The following PTPRD variants were observed in gnomAD, a reference collection of about 807,000 sequenced individuals.
The protein encoded by PTPRD is receptor-type tyrosine-protein phosphatase delta.
PTPRD carries 34 observed loss-of-function variants against 214.5 expected under a neutral mutation model. The observed-to-expected ratio is 0.16, with a 90% CI of 0.12 to 0.21. PTPRD has a LOEUF of 0.21. Among genes scored for constraint, PTPRD ranks in the 10% least tolerant of loss-of-function variants. The probability of loss-of-function intolerance (pLI) is 1.00; values close to 1 mark genes in which losing one functional copy is unlikely to be tolerated. For missense variants in PTPRD, 2,545 were observed against 2,398.7 expected, an observed-to-expected ratio of 1.06 and a Z score of -1.27; for synonymous variants, 1,128 against 845.7, an observed-to-expected ratio of 1.33 and a Z score of -5.79.
At chr9:8,545,964 G>T (rs1029968982) in intron 14 of PTPRD, among the ~76,000 whole-genome samples, 1 of 152,154 alleles carries the variant, frequency 6.6e-6, no homozygotes, top group African/African-American at 2.4e-5. Context: ...TTATCAGGTG[G>T]CTAGCCTATC....
chr9:10,321,216 A>T (rs1286578775), intron 3 of PTPRD, among the ~76,000 whole-genome samples: 1 of 152,068 alleles, frequency 6.6e-6, no homozygotes, highest in African/African-American at 2.4e-5. Context: ...GGGGAAAAAA[A>T]ACAATGAGAA....
intron 11 of PTPRD, among the ~76,000 whole-genome samples, chr9:8,791,818 G>C (rs1345681359): frequency 6.6e-6 from 1 of 152,034 alleles, no homozygotes; most frequent in Non-Finnish European, 1.5e-5. Context: ...AAGCTCTTTT[G>C]ACCCAGGTGT....
At chr9:8,691,906 C>T (rs998853830) in intron 12 of PTPRD, among the ~76,000 whole-genome samples, 5 of 152,104 alleles carry the variant, frequency 3.3e-5, no homozygotes, top group Admixed American at 6.5e-5. Context: ...TGAAATAGTG[C>T]CATTCAACTC....
intron 3 of PTPRD, among the ~76,000 whole-genome samples, chr9:10,175,510 G>C (rs986608862): frequency 1.3e-5 from 2 of 151,962 alleles, no homozygotes; most frequent in African/African-American, 2.4e-5. Context: ...CTTTTCTGCA[G>C]TAACTATCTG....
intron 7 of PTPRD, among the ~76,000 whole-genome samples, chr9:9,634,029 A>AC (rs1267322602): frequency 1.3e-5 from 2 of 152,286 alleles, no homozygotes; most frequent in Admixed American, 6.5e-5. Context: ...TATAGACAGC[A>AC]CATATCAGAT....
At chr9:9,700,882 C>T (rs1014881324) in intron 7 of PTPRD, among the ~76,000 whole-genome samples, 1 of 152,026 alleles carries the variant, frequency 6.6e-6, no homozygotes, top group Non-Finnish European at 1.5e-5. Flanking sequence ...AAATAACTGA[C>T]AATCTAACAG....
intron 2 of PTPRD, among the ~76,000 whole-genome samples, chr9:10,484,912 A>T (rs1417229503): frequency 6.6e-6 from 1 of 151,830 alleles, no homozygotes; most frequent in Non-Finnish European, 1.5e-5. Flanking sequence ...TGCTTATGGG[A>T]TATTTCTCAA....
At chr9:9,931,050 T>C (rs2086311358) in intron 5 of PTPRD, among the ~76,000 whole-genome samples, 1 of 152,192 alleles carries the variant, frequency 6.6e-6, no homozygotes, top group South Asian at 2.1e-4. Flanking sequence ...TTAATCCCTC[T>C]AGAAAATATG....
chr9:9,065,954 G>A (rs1234604210), intron 10 of PTPRD, among the ~76,000 whole-genome samples: 1 of 152,080 alleles, frequency 6.6e-6, no homozygotes, highest in African/African-American at 2.4e-5. Flanking sequence ...GAATATGCAT[G>A]TAAAGCATAA....
At chr9:10,515,208 G>A (rs919541830) in intron 2 of PTPRD, among the ~76,000 whole-genome samples, 1 of 151,974 alleles carries the variant, frequency 6.6e-6, no homozygotes, top group Non-Finnish European at 1.5e-5. Context: ...AACTTCAACA[G>A]ATTCTTGCTG....
At chr9:8,438,311 G>A (rs963199162) in intron 34 of PTPRD, among the ~76,000 whole-genome samples, 1 of 152,166 alleles carries the variant, frequency 6.6e-6, no homozygotes, top group Non-Finnish European at 1.5e-5. Context: ...CAAGTGTTGT[G>A]AATTGTGGTG....
rs191326079 is a variant in PTPRD, at chr9:8,623,686, C to T, written c.352+9631G>A. Reference sequence around the variant, plus strand: ...ACATGGATTATCTCCTGTAATCATCCTCTTAAGTTTACTCAATAGGTCTTC... The same window carrying T: ...ACATGGATTATCTCCTGTAATCATCTTCTTAAGTTTACTCAATAGGTCTTC... On this transcript the variant is annotated intron_variant, in intron 14 of 45. Transcript: ENST00000381196. Among the ~76,000 whole-genome samples the T allele has an allele frequency of 1.5e-3, 225 of 151,960 alleles. 2 individuals are homozygous for T. The highest frequency in any genetic ancestry group is 5.3e-3 in the African/African-American group (218 of 41,516).
chr9:9,286,577 C>A (rs1456094040), intron 9 of PTPRD, among the ~76,000 whole-genome samples: 1 of 151,492 alleles, frequency 6.6e-6, no homozygotes, highest in East Asian at 2.0e-4. Context: ...TTAAAAAATT[C>A]TTACCCATTT....
intron 5 of PTPRD, among the ~76,000 whole-genome samples, chr9:9,831,387 A>T (rs1599049798): frequency 6.6e-6 from 1 of 151,970 alleles, no homozygotes; most frequent in East Asian, 1.9e-4. Context: ...AGCTGAATTC[A>T]CAAGGTTACT....
chr9:10,079,197 C>G (rs1008908783), intron 3 of PTPRD, among the ~76,000 whole-genome samples: 4 of 151,964 alleles, frequency 2.6e-5, no homozygotes, highest in African/African-American at 9.7e-5. Flanking sequence ...GGCAAGCTTC[C>G]GAACTCCATG....
At chr9:9,408,990 C>G (rs895165419) in intron 8 of PTPRD, among the ~76,000 whole-genome samples, 5 of 151,782 alleles carry the variant, frequency 3.3e-5, no homozygotes, top group African/African-American at 1.2e-4. Context: ...CAGTATTTAT[C>G]AAGAATATAA....
At chr9:10,377,999 T>C (rs546153240) in intron 2 of PTPRD, among the ~76,000 whole-genome samples, 1 of 152,208 alleles carries the variant, frequency 6.6e-6, no homozygotes, top group South Asian at 2.1e-4. Flanking sequence ...TTCTCCATAG[T>C]GGTCGTATTA....
At chr9:10,346,291 A>T (rs1490485339) in intron 2 of PTPRD, among the ~76,000 whole-genome samples, 1 of 152,162 alleles carries the variant, frequency 6.6e-6, no homozygotes, top group Non-Finnish European at 1.5e-5. Context: ...TGACCTTGTT[A>T]TGTCCAGGAA....
At chr9:9,980,236 C>A (rs1051536922) in intron 4 of PTPRD, among the ~76,000 whole-genome samples, 4 of 151,828 alleles carry the variant, frequency 2.6e-5, no homozygotes, top group Non-Finnish European at 5.9e-5. Context: ...AATATTAAAA[C>A]CAATGAGTGA....
Sources: gnomAD v4.1 joint callset for allele counts (sites outside exome capture counted in the v4.1 genomes callset) on GRCh38, gnomAD v4.1.1 for gene constraint, MANE v1.5 for transcripts, NCBI Gene and HGNC (gene_info 2026-07-23, HGNC 2026-07-21) for gene names.